The following MAP3K13 variants were observed in gnomAD, a reference collection of about 807,000 sequenced individuals.
MAP3K13 encodes the protein leucine zipper-bearing kinase.
Under a neutral mutation model 104.0 loss-of-function variants are expected in MAP3K13, and 52 were observed. That is an observed-to-expected ratio of 0.50 (90% CI 0.40 to 0.63). MAP3K13 has a LOEUF of 0.63. Ranked by LOEUF, MAP3K13 falls within the 20% of genes least tolerant of loss-of-function variation. The pLI is 0.00. For synonymous variants in MAP3K13, 394 were observed against 442.2 expected (o/e 0.89, Z 1.37); for missense variants, 914 against 1,218.5 (o/e 0.75, Z 3.72).
chr3:185,322,022 A>G (rs1449579620), intron 2 of MAP3K13, among the ~76,000 whole-genome samples: 1 of 152,360 alleles, frequency 6.6e-6, no homozygotes, highest in Admixed American at 6.5e-5. Flanking sequence ...ATAGCCCTAG[A>G]AATAGGAAGA....
intron 1 of MAP3K13, among the ~76,000 whole-genome samples, chr3:185,393,534 C>G (rs184634115): frequency 1.5e-4 from 22 of 151,562 alleles, no homozygotes; most frequent in Admixed American, 1.3e-3. Context: ...TCTCAGCTCA[C>G]TGCAAGCTCT....
intron 1 of MAP3K13, 50 bp from the exon 2 acceptor site, chr3:185,428,447 G>T: frequency 8.4e-7 from 1 of 1,191,334 alleles, no homozygotes. Flanking sequence ...GTGTCGTAGT[G>T]TGCATACTAA....
chr3:185,390,028 A>G (rs1711949207), intron 1 of MAP3K13, among the ~76,000 whole-genome samples: 1 of 152,134 alleles, frequency 6.6e-6, no homozygotes, highest in Non-Finnish European at 1.5e-5. Context: ...ATCAAATGGT[A>G]TATAGTGGCC....
intron 8 of MAP3K13, among the ~76,000 whole-genome samples, chr3:185,465,021 G>A (rs1048450902): frequency 5.9e-5 from 9 of 152,040 alleles, no homozygotes; most frequent in African/African-American, 1.7e-4. Context: ...TCTCTCTGTC[G>A]CTTAGGCTGG....
chr3:185,291,051 A>G lies in MAP3K13; in HGVS notation c.-86+5408A>G, dbSNP rs554318546. On this transcript the variant is annotated intron_variant, in intron 2 of 14. Coordinates refer to the MAP3K13 transcript ENST00000424227. ...TGCACATGTTTACAATATTTTTACT[A>G]TGTTTTTCATTTGAACCTTGCAAAG... Among the ~76,000 whole-genome samples the G allele has an allele frequency of 7.2e-5, 11 of 152,282 alleles. No individual in the cohort carries two copies. The East Asian group carries it at 1.7e-3, about 24-fold the overall frequency.
intron 1 of MAP3K13, among the ~76,000 whole-genome samples, chr3:185,284,313 T>C (rs1720426941): frequency 6.6e-6 from 1 of 152,164 alleles, no homozygotes; most frequent in African/African-American, 2.4e-5. Context: ...ACAGCTGGTG[T>C]TTATAAGTAA....
intron 2 of MAP3K13, among the ~76,000 whole-genome samples, chr3:185,294,283 G>A (rs76225460): frequency 0.015 from 2,306 of 152,262 alleles, 33 homozygotes; most frequent in South Asian, 0.055. Flanking sequence ...GATAGCATTG[G>A]TTAGGTTAGC....
rs1577570284 is a variant in MAP3K13 at position 185,447,914 on chromosome 3, G to A, written c.977G>A (p.Arg326Gln). ...GCATGGATGGCGCCAGAGGTGATAC[G>A]GAATGAACCTGTCTCTGAAAAAGTT... ...TVAWMAPEVI[R>Q]NEPVSEKVDI... Residue 326 changes from arginine (R) to glutamine (Q), a missense_variant, in exon 5 of 14, where the codon CGG becomes CAG. By Grantham distance (43) the Arg-to-Gln change is conservative. This residue lies in a region of MAP3K13 where 175 missense variants were observed against 321.3 expected (regional missense o/e 0.54). Transcript: ENST00000265026. 1.2e-6 allele frequency: 2 copies of A among 1,612,034 alleles called. No homozygotes were observed. Among genetic ancestry groups the A allele is most frequent in the Non-Finnish European group, 1.7e-6 (2 of 1,179,464 alleles).
intron 7 of MAP3K13, among the ~76,000 whole-genome samples, chr3:185,454,872 GATATATATATGAT>G (rs1560117739): frequency 3.8e-5 from 1 of 26,410 alleles, no homozygotes; most frequent in Non-Finnish European, 7.9e-5. Context: ...ATATATATGA[GATATATATATGAT>G]ATATATATGA....
intron 1 of MAP3K13, among the ~76,000 whole-genome samples, chr3:185,411,475 T>C (rs998786898): frequency 2.6e-5 from 4 of 152,160 alleles, no homozygotes; most frequent in African/African-American, 7.2e-5. Flanking sequence ...TACCACCTAC[T>C]CAGGGAAATT....
At position 185,462,630 on chromosome 3, in the gene MAP3K13, G is replaced by A. The variant is rs576812130; in HGVS notation, c.1279-920G>A. Among the ~76,000 whole-genome samples, 8 of 152,168 alleles carry A rather than the reference G, an allele frequency of 5.3e-5. No individual in the cohort carries two copies. In the South Asian group the frequency reaches 1.2e-3, roughly 24 times the overall value. On this transcript the variant is annotated intron_variant, in intron 7 of 13. Coordinates refer to ENST00000265026, the MANE Select transcript of MAP3K13 (RefSeq NM_004721.5). ...TCTACTAAAAATACAAAAATTAGCC[G>A]GGTGTGGTGGCACGTTCCTGTAATC...
intron 1 of MAP3K13, among the ~76,000 whole-genome samples, chr3:185,399,008 A>G (rs931759253): frequency 2.6e-5 from 4 of 152,194 alleles, no homozygotes; most frequent in African/African-American, 9.7e-5. Context: ...GCTAATGGGA[A>G]TATGGATTTG....
intron 7 of MAP3K13, among the ~76,000 whole-genome samples, chr3:185,451,863 G>A (rs1289753880): frequency 2.5e-5 from 3 of 120,756 alleles, no homozygotes; most frequent in African/African-American, 3.2e-5. Flanking sequence ...GCAAAACACC[G>A]CCTCAAAAAA....
chr3:185,370,475 C>T (rs1364912127), intron 1 of MAP3K13, among the ~76,000 whole-genome samples: 1 of 151,932 alleles, frequency 6.6e-6, no homozygotes, highest in Non-Finnish European at 1.5e-5. Flanking sequence ...GGATTACAGG[C>T]GTGACCCACT....
rs199572011 is a variant in MAP3K13 at position 185,465,779 on chromosome 3, G to A, written c.1421G>A (p.Arg474Gln). 2.5e-4 allele frequency: 402 copies of A among 1,614,022 alleles called. 1 individual carries two copies. The highest frequency in any genetic ancestry group is 2.8e-4 in the Non-Finnish European group (330 of 1,179,914). ...CTGGATATTCGTGAACACTATGAGC[G>A]GAAGCTTGAGCGGGCGAATAATTTA... The part of the protein sequence containing the change: ...HALDIREHYE[R>Q]KLERANNLYM... The change falls in exon 9 of 14, where the codon CGG (arginine) becomes CAG (glutamine). Residue 474 changes from arginine (R) to glutamine (Q), a missense_variant. Around this residue, in one of 3 missense-constraint regions of MAP3K13, gnomAD observed 583 missense variants for 737.4 expected, o/e 0.79. Coordinates refer to ENST00000265026, the MANE Select transcript of MAP3K13 (RefSeq NM_004721.5).
At chr3:185,469,307 G>A (rs1717639193) in intron 10 of MAP3K13, among the ~76,000 whole-genome samples, 2 of 152,194 alleles carry the variant, frequency 1.3e-5, no homozygotes, top group African/African-American at 4.8e-5. Context: ...TAAATACCCT[G>A]TAATAATGAG....
At chr3:185,309,522 A>T (rs1721424909) in intron 2 of MAP3K13, among the ~76,000 whole-genome samples, 1 of 151,944 alleles carries the variant, frequency 6.6e-6, no homozygotes, top group Non-Finnish European at 1.5e-5. Context: ...CAAAAAAAAA[A>T]AAAAAAAAGA....
At position 185,305,871 on chromosome 3, in the gene MAP3K13, C is replaced by G. The variant is rs556338307; in HGVS notation, c.-86+20228C>G. ...GTTTGGGATACAGTTGATCCTGTCA[C>G]CCAGGTAGTGAGCATAGTACCCAAT... On this transcript the variant is annotated intron_variant, in intron 2 of 14. Coordinates refer to the MAP3K13 transcript ENST00000424227. Among the ~76,000 whole-genome samples, 8 of 152,288 alleles carry G rather than the reference C, an allele frequency of 5.3e-5. No individual in the cohort carries two copies. The East Asian group carries it at 1.5e-3, about 29-fold the overall frequency.
intron 3 of MAP3K13, among the ~76,000 whole-genome samples, chr3:185,439,656 AC>A (rs1560107249): frequency 1.3e-5 from 2 of 152,060 alleles, no homozygotes; most frequent in African/African-American, 2.4e-5. Flanking sequence ...CCAGTAGGGT[AC>A]CCGGGGTCAC....
Sources: allele counts gnomAD v4.1 joint callset (sites outside exome capture counted in the v4.1 genomes callset), GRCh38; gene constraint gnomAD v4.1.1; regional missense constraint gnomAD v4.1.1; transcripts MANE v1.5; gene names NCBI Gene and HGNC (gene_info 2026-07-23, HGNC 2026-07-21).